The following NDUFA10 variants were observed in gnomAD, a reference collection of about 807,000 sequenced individuals.
NDUFA10 encodes NADH dehydrogenase [ubiquinone] 1 alpha subcomplex subunit 10, mitochondrial.
Under a neutral mutation model 47.8 loss-of-function variants are expected in NDUFA10, and 40 were observed. That is an observed-to-expected ratio of 0.84 (90% CI 0.65 to 1.09). NDUFA10 has a LOEUF of 1.09. Ranked by LOEUF, NDUFA10 falls within the 50% of genes least tolerant of loss-of-function variation. The probability of loss-of-function intolerance (pLI) is 0.00; values close to 1 mark genes in which losing one functional copy is unlikely to be tolerated. For missense variants in NDUFA10, 413 were observed against 451.1 expected (o/e 0.92, Z 0.76); for synonymous variants, 183 against 172.2 (o/e 1.06, Z -0.49).
At chr2:239,931,539 C>T (rs960560341) in intron 4 of NDUFA10, among the ~76,000 whole-genome samples, 9 of 152,260 alleles carry the variant, frequency 5.9e-5, no homozygotes, top group Admixed American at 2.0e-4. Context: ...GGGGTCTCCT[C>T]GCCACAGCGT....
At chr2:239,908,635 TC>T (rs1168766955) in intron 4 of NDUFA10, among the ~76,000 whole-genome samples, 1 of 152,236 alleles carries the variant, frequency 6.6e-6, no homozygotes, top group African/African-American at 2.4e-5. Flanking sequence ...TGGCAGAATG[TC>T]CACCAATGCG....
At chr2:240,020,443 G>A (rs1697574081) in intron 3 of NDUFA10, among the ~76,000 whole-genome samples, 1 of 152,190 alleles carries the variant, frequency 6.6e-6, no homozygotes, top group Non-Finnish European at 1.5e-5. Flanking sequence ...CAGTGCATCT[G>A]CGGTCCAACT....
At chr2:239,917,471 G>A (rs897730529) in intron 4 of NDUFA10, among the ~76,000 whole-genome samples, 4 of 152,242 alleles carry the variant, frequency 2.6e-5, no homozygotes, top group African/African-American at 7.2e-5. Flanking sequence ...AAGCAGTGGA[G>A]TGAAGATCAT....
intron 4 of NDUFA10, among the ~76,000 whole-genome samples, chr2:239,934,998 A>G (rs1312737155): frequency 1.3e-5 from 2 of 152,100 alleles, no homozygotes; most frequent in African/African-American, 4.8e-5. Flanking sequence ...CAGCCTCAGA[A>G]CCACCTCTGG....
At chr2:239,927,430 A>G (rs967341897) in intron 4 of NDUFA10, among the ~76,000 whole-genome samples, 2 of 152,100 alleles carry the variant, frequency 1.3e-5, no homozygotes, top group Admixed American at 1.3e-4. Context: ...TAAGTGTGCA[A>G]TGTCTATAAA....
chr2:239,990,660 T>C (rs1696208301), intron 8 of NDUFA10, among the ~76,000 whole-genome samples: 3 of 152,190 alleles, frequency 2.0e-5, no homozygotes, highest in African/African-American at 4.8e-5. Context: ...CTTACTGCTC[T>C]GTTCTGTATG....
intron 9 of NDUFA10, among the ~76,000 whole-genome samples, chr2:239,989,790 A>C (rs1028184076): frequency 1.3e-5 from 2 of 152,244 alleles, no homozygotes; most frequent in African/African-American, 4.8e-5. Context: ...AGAAACTGAC[A>C]TAACAGCTGA....
At chr2:239,951,495 A>G (rs1045341222) in intron 4 of NDUFA10, among the ~76,000 whole-genome samples, 6 of 152,180 alleles carry the variant, frequency 3.9e-5, no homozygotes, top group African/African-American at 1.4e-4. Flanking sequence ...CGTGCTGGGC[A>G]GCCGTGTCCC....
intron 8 of NDUFA10, among the ~76,000 whole-genome samples, chr2:240,004,599 G>A (rs529789724): frequency 2.0e-5 from 3 of 150,604 alleles, no homozygotes; most frequent in Non-Finnish European, 3.0e-5. Context: ...GCCCCATTCC[G>A]CCATGGCCTC....
intron 4 of NDUFA10, among the ~76,000 whole-genome samples, chr2:239,951,250 G>A (rs936484958): frequency 4.6e-5 from 7 of 152,208 alleles, no homozygotes; most frequent in Non-Finnish European, 1.0e-4. Flanking sequence ...CAGGGCGTGC[G>A]GGAGGGGCCT....
At chr2:239,944,764 A>G (rs956198079) in intron 4 of NDUFA10, among the ~76,000 whole-genome samples, 9 of 152,114 alleles carry the variant, frequency 5.9e-5, no homozygotes. Flanking sequence ...CAGGGTTTCC[A>G]GCTCAAGGAG....
At chr2:239,916,375 TAC>T (rs749742596) in intron 4 of NDUFA10, among the ~76,000 whole-genome samples, 8 of 149,316 alleles carry the variant, frequency 5.4e-5, no homozygotes, top group African/African-American at 2.0e-4. Context: ...GACATGCAGA[TAC>T]ACACACACAT....
At chr2:239,973,955 G>C (rs1370400618) in intron 9 of NDUFA10, among the ~76,000 whole-genome samples, 2 of 152,106 alleles carry the variant, frequency 1.3e-5, no homozygotes, top group Non-Finnish European at 2.9e-5. Context: ...TTGAGATGGA[G>C]TCTCACTCTG....
chr2:239,934,945 C>T (rs1694239960), intron 4 of NDUFA10, among the ~76,000 whole-genome samples: 1 of 152,206 alleles, frequency 6.6e-6, no homozygotes. Flanking sequence ...GGTGCAGCTG[C>T]CGCGTGCCCA....
intron 8 of NDUFA10, among the ~76,000 whole-genome samples, chr2:239,997,952 C>T (rs978075840): frequency 6.6e-6 from 1 of 152,058 alleles, no homozygotes; most frequent in Admixed American, 6.6e-5. Flanking sequence ...ATATGGGGAG[C>T]CATGAAAAAA....
chr2:239,965,585 C>G (rs1441558735), intron 9 of NDUFA10, among the ~76,000 whole-genome samples: 1 of 152,188 alleles, frequency 6.6e-6, no homozygotes, highest in African/African-American at 2.4e-5. Flanking sequence ...TGCTCGTTCA[C>G]GGTGCCCGGG....
At chr2:240,023,833 G>C (rs571571631) in intron 1 of NDUFA10, among the ~76,000 whole-genome samples, 11 of 152,322 alleles carry the variant, frequency 7.2e-5, no homozygotes, top group African/African-American at 2.2e-4. Context: ...ATGGGCAAAA[G>C]ATGTAAACAC....
chr2:239,914,975 CACAG>C (rs906099036), intron 4 of NDUFA10, among the ~76,000 whole-genome samples: 5 of 149,206 alleles, frequency 3.4e-5, no homozygotes, highest in Admixed American at 1.3e-4. Context: ...AGAACACACA[CACAG>C]ACACACACAA....
At chr2:239,898,392 C>T (rs1693441521) in intron 4 of NDUFA10, among the ~76,000 whole-genome samples, 2 of 152,202 alleles carry the variant, frequency 1.3e-5, no homozygotes, top group Non-Finnish European at 2.9e-5. Context: ...CCTCCAGAGT[C>T]AGGAAGGTGG....
Sources: gnomAD v4.1 joint callset for allele counts (sites outside exome capture counted in the v4.1 genomes callset) on GRCh38, gnomAD v4.1.1 for gene constraint, MANE v1.5 for transcripts, NCBI Gene and HGNC (gene_info 2026-07-23, HGNC 2026-07-21) for gene names.